DPP6: variants seen among roughly 807,000 people sequenced by gnomAD.
The protein encoded by DPP6 is A-type potassium channel modulatory protein DPP6.
Under a neutral mutation model 122.6 loss-of-function variants are expected in DPP6, and 69 were observed. The ratio of observed to expected loss-of-function variants is 0.56; its 90% CI spans 0.46 to 0.69. The LOEUF (loss-of-function observed/expected upper bound fraction) is 0.69, where lower values mean the gene tolerates loss of function less well. DPP6 is among the 30% of genes least tolerant of loss of function. The pLI is 0.00. For missense variants in DPP6, 928 were observed against 1,116.9 expected, an observed-to-expected ratio of 0.83 and a Z score of 2.41; for synonymous variants, 418 against 433.1, an observed-to-expected ratio of 0.97 and a Z score of 0.43.
At chr7:154,122,765 C>T (rs1807577432) in intron 1 of DPP6, among the ~76,000 whole-genome samples, 1 of 152,186 alleles carries the variant, frequency 6.6e-6, no homozygotes, top group Non-Finnish European at 1.5e-5. Flanking sequence ...AGACCTACTT[C>T]ACATGGAGCC....
At chr7:153,895,728 G>GCACACA (rs10599371) in intron 1 of DPP6, among the ~76,000 whole-genome samples, 71 of 149,942 alleles carry the variant, frequency 4.7e-4, no homozygotes, top group South Asian at 1.3e-3. Context: ...GTGCATGCGT[G>GCACACA]CACACACACA....
chr7:153,782,940 T>C, the DPP6 span, among the ~76,000 whole-genome samples: 15 of 152,302 alleles, frequency 9.8e-5, no homozygotes, highest in East Asian at 2.1e-3. Context: ...TGTGCGATAC[T>C]TGTATAGACC....
Position 154,632,335 on chromosome 7 carries a change from A to C in DPP6, c.628-5486A>C, listed in dbSNP as rs1835455347. Among the ~76,000 whole-genome samples the C allele has an allele frequency of 3.3e-5, 5 of 152,328 alleles. No individual in the cohort carries two copies. The South Asian group carries it at 1.0e-3, about 32-fold the overall frequency. On this transcript the variant is annotated intron_variant, in intron 5 of 25. Transcript: ENST00000377770. ...GAAGGATGGAGGAGAGGCCTGACTT[A>C]GGGCACTTGACCTAGGAAGGAAGAG...
intron 1 of DPP6, among the ~76,000 whole-genome samples, chr7:154,214,583 C>G (rs1263858750): frequency 6.6e-6 from 1 of 152,216 alleles, no homozygotes; most frequent in Non-Finnish European, 1.5e-5. Context: ...TGCTTAAACA[C>G]TCCAAGTTTG....
intron 1 of DPP6, among the ~76,000 whole-genome samples, chr7:153,901,107 A>C (rs1037047390): frequency 1.1e-4 from 16 of 152,308 alleles, no homozygotes; most frequent in Admixed American, 4.6e-4. Flanking sequence ...AGCCAACCAC[A>C]AAGGCTTTTC....
chr7:154,151,270 T>A (rs1195946442), intron 1 of DPP6, among the ~76,000 whole-genome samples: 1 of 152,102 alleles, frequency 6.6e-6, no homozygotes, highest in East Asian at 1.9e-4. Flanking sequence ...TCCATCCAGG[T>A]CACCTCCTCC....
chr7:153,811,707 T>G, the DPP6 span, among the ~76,000 whole-genome samples: 681 of 152,272 alleles, frequency 4.5e-3, 7 homozygotes, highest in African/African-American at 0.016. Context: ...GCTCTGCTCT[T>G]AAAGTCACAA....
intron 1 of DPP6, among the ~76,000 whole-genome samples, chr7:153,980,397 C>T (rs1313120245): frequency 5.3e-5 from 8 of 151,944 alleles, no homozygotes; most frequent in Non-Finnish European, 5.9e-5. Context: ...TTGATATCCC[C>T]TTTATCATTT....
intron 5 of DPP6, among the ~76,000 whole-genome samples, chr7:154,582,777 G>T (rs2130676529): frequency 6.6e-6 from 1 of 152,336 alleles, no homozygotes; most frequent in East Asian, 1.9e-4. Context: ...AGAAGCAGCT[G>T]CACTCACCTC....
intron 8 of DPP6, 50 bp downstream of exon 8, chr7:154,727,937 G>C (rs780272713): frequency 6.5e-7 from 1 of 1,531,998 alleles, no homozygotes; most frequent in Admixed American, 2.0e-5. Flanking sequence ...TGCTGCTGCT[G>C]CTACATTGGA....
intron 1 of DPP6, among the ~76,000 whole-genome samples, chr7:154,219,811 T>G (rs945610835): frequency 4.3e-4 from 66 of 152,360 alleles, no homozygotes; most frequent in African/African-American, 1.5e-3. Context: ...GGTCTCGAAC[T>G]CCTGACCTCA....
chr7:154,088,373 G>A (rs1230964955), intron 1 of DPP6, among the ~76,000 whole-genome samples: 1 of 146,846 alleles, frequency 6.8e-6, no homozygotes, highest in Non-Finnish European at 1.5e-5. Context: ...TGAGACACTG[G>A]TGGCTTTCTG....
the DPP6 span, among the ~76,000 whole-genome samples, chr7:153,878,832 A>G: frequency 6.6e-6 from 1 of 152,142 alleles, no homozygotes; most frequent in Non-Finnish European, 1.5e-5. Context: ...AGAGTATTTA[A>G]GGTAAAGAAA....
intron 1 of DPP6, among the ~76,000 whole-genome samples, chr7:154,378,702 C>T (rs1022332435): frequency 6.6e-6 from 1 of 152,206 alleles, no homozygotes; most frequent in Non-Finnish European, 1.5e-5. Context: ...TTCACACTGT[C>T]ATAAAGAACT....
At chr7:154,869,210 G>C (rs914230927) in intron 18 of DPP6, among the ~76,000 whole-genome samples, 1 of 152,140 alleles carries the variant, frequency 6.6e-6, no homozygotes, top group Non-Finnish European at 1.5e-5. Flanking sequence ...TCCCTGACAC[G>C]AGACAGCAGC....
At chr7:154,684,534 A>G (rs1166819642) in intron 7 of DPP6, among the ~76,000 whole-genome samples, 1 of 152,138 alleles carries the variant, frequency 6.6e-6, no homozygotes, top group Non-Finnish European at 1.5e-5. Context: ...ATTTTTATGA[A>G]ATTTGTTTCT....
Position 154,624,837 on chromosome 7 carries a change from A to G in DPP6, c.628-12984A>G, listed in dbSNP as rs537905874. 1.3e-4 allele frequency among the ~76,000 whole-genome samples: 20 copies of G among 152,348 alleles called. No individual in the cohort carries two copies. The South Asian group carries it at 2.7e-3, about 21-fold the overall frequency. ...AAACACTGGCTATGCTAACAGAAGC[A>G]GGCACACAGCGGCCCCGTCTTCCTC... On this transcript the variant is annotated intron_variant, in intron 5 of 25. Coordinates refer to ENST00000377770, the MANE Select transcript of DPP6 (RefSeq NM_130797.4). This position sits in a 1 kb window ranked among gnomAD's most constrained non-coding sequence, Gnocchi z 4.7.
At chr7:154,194,372 C>T (rs530513254) in intron 1 of DPP6, among the ~76,000 whole-genome samples, 104 of 152,204 alleles carry the variant, frequency 6.8e-4, no homozygotes, top group African/African-American at 2.4e-3. Context: ...TCTTTTTGAA[C>T]AGTTTTATTG....
chr7:153,806,267 TC>T, the DPP6 span, among the ~76,000 whole-genome samples: 9 of 151,964 alleles, frequency 5.9e-5, no homozygotes, highest in African/African-American at 1.9e-4. Context: ...GAGTCTCTGT[TC>T]CCAGCTCCTC....
Sources: gnomAD v4.1 joint callset for allele counts (sites outside exome capture counted in the v4.1 genomes callset) on GRCh38, gnomAD v4.1.1 for gene constraint, Gnocchi (gnomAD v3.1) non-coding constraint, MANE v1.5 for transcripts, NCBI Gene and HGNC (gene_info 2026-07-23, HGNC 2026-07-21) for gene names.